DMD: variants seen among roughly 807,000 people sequenced by gnomAD.
The protein encoded by DMD is mutant dystrophin.
A neutral mutation model predicts 330.1 loss-of-function variants in DMD; 63 were observed. The observed-to-expected ratio is 0.19, with a 90% CI of 0.16 to 0.24. The LOEUF is 0.24. Among genes scored for constraint, DMD ranks in the 10% least tolerant of loss-of-function variants. The pLI is 1.00. For synonymous variants in DMD, 1,223 were observed against 959.8 expected (o/e 1.27, Z -5.07); for missense variants, 3,344 against 2,684.1 (o/e 1.25, Z -5.43).
At chrX:33,226,344 A>C (rs894119798) in intron 1 of DMD, among the ~76,000 whole-genome samples, 1 of 111,874 alleles carries the variant, frequency 8.9e-6, no homozygotes, top group African/African-American at 3.2e-5. Context: ...CAAATGGTTA[A>C]TCAAACTGGC....
chrX:32,737,793 G>C (rs1243783457), intron 7 of DMD, among the ~76,000 whole-genome samples: 1 of 111,500 alleles, frequency 9.0e-6, no homozygotes, highest in Non-Finnish European at 1.9e-5. Flanking sequence ...AATAGTACAT[G>C]AATGAGTAAT....
intron 51 of DMD, among the ~76,000 whole-genome samples, chrX:31,756,258 T>C (rs1173116054): frequency 8.9e-6 from 1 of 111,898 alleles, no homozygotes; most frequent in East Asian, 2.8e-4. Flanking sequence ...TCTCTATTAT[T>C]TCTTCCCTGG....
intron 2 of DMD, among the ~76,000 whole-genome samples, chrX:32,921,559 G>A (rs1046404738): frequency 7.2e-5 from 8 of 111,380 alleles, no homozygotes; most frequent in Non-Finnish European, 1.5e-4. Context: ...ATGACTATGC[G>A]CATGTATGTA....
At chrX:31,947,236 C>T (rs779071543) in intron 45 of DMD, among the ~76,000 whole-genome samples, 2 of 111,220 alleles carry the variant, frequency 1.8e-5, no homozygotes, top group African/African-American at 6.5e-5. Flanking sequence ...AGAAATTCTC[C>T]CAACTCAGCC....
chrX:32,435,446 T>A (rs2098257199), intron 29 of DMD, among the ~76,000 whole-genome samples: 1 of 107,467 alleles, frequency 9.3e-6, no homozygotes, highest in Non-Finnish European at 1.9e-5. Flanking sequence ...GTACTTTAAG[T>A]GCCGTATTTT....
intron 44 of DMD, among the ~76,000 whole-genome samples, chrX:31,999,991 G>A (rs2095614961): frequency 8.9e-6 from 1 of 112,307 alleles, no homozygotes; most frequent in Non-Finnish European, 1.9e-5. Flanking sequence ...ATCCAGAAAT[G>A]GAGAATTTGT....
chrX:33,331,702 G>A (rs777419044), intron 1 of DMD, among the ~76,000 whole-genome samples: 153 of 111,363 alleles, frequency 1.4e-3, no homozygotes, highest in Middle Eastern at 4.6e-3. Context: ...TACCACCTAC[G>A]TTTCCAGTTG....
At chrX:32,309,570 C>T (rs1400389919) in intron 42 of DMD, among the ~76,000 whole-genome samples, 1 of 111,042 alleles carries the variant, frequency 9.0e-6, no homozygotes, top group African/African-American at 3.3e-5. Flanking sequence ...TAGCCTTTAA[C>T]TGGCAGTTAT....
At chrX:32,472,540 T>C (rs1161978250) in intron 21 of DMD, among the ~76,000 whole-genome samples, 1 of 111,523 alleles carries the variant, frequency 9.0e-6, no homozygotes, top group African/African-American at 3.3e-5. Flanking sequence ...CTGTAAAATC[T>C]ATATTGTTCA....
At chrX:32,347,713 G>T (rs1432433215) in intron 38 of DMD, among the ~76,000 whole-genome samples, 1 of 111,375 alleles carries the variant, frequency 9.0e-6, no homozygotes, top group African/African-American at 3.3e-5. Context: ...TGAAAGAGGG[G>T]AAAAAATTGT....
At chrX:33,246,076 T>C (rs996461045) in intron 1 of DMD, among the ~76,000 whole-genome samples, 56 of 112,310 alleles carry the variant, frequency 5.0e-4, no homozygotes, top group African/African-American at 1.7e-3. Flanking sequence ...ATATCCCCAT[T>C]GGTTGTGACC....
chrX:32,919,082 C>T (rs2088127723), intron 2 of DMD, among the ~76,000 whole-genome samples: 1 of 111,639 alleles, frequency 9.0e-6, no homozygotes, highest in African/African-American at 3.3e-5. Context: ...GGAAATAAGT[C>T]AAAATAGGAA....
chrX:31,873,330 G>A (rs1156279750), intron 48 of DMD, among the ~76,000 whole-genome samples: 1 of 111,228 alleles, frequency 9.0e-6, no homozygotes, highest in Non-Finnish European at 1.9e-5. Context: ...AAACATAGTC[G>A]AGAACATTTT....
intron 76 of DMD, among the ~76,000 whole-genome samples, chrX:31,134,571 C>G (rs1270322671): frequency 9.1e-6 from 1 of 110,424 alleles, no homozygotes; most frequent in South Asian, 3.9e-4. Flanking sequence ...TACAGGCATG[C>G]GCCAACACGT....
intron 60 of DMD, among the ~76,000 whole-genome samples, chrX:31,421,900 T>C (rs866301708): frequency 4.6e-4 from 39 of 85,158 alleles, no homozygotes; most frequent in South Asian, 3.9e-3. Context: ...TATATATATA[T>C]ACACACACAC....
chrX:31,833,277 A>G (rs1055830164), intron 49 of DMD, among the ~76,000 whole-genome samples: 9 of 40,451 alleles, frequency 2.2e-4, no homozygotes, highest in African/African-American at 1.2e-3. Context: ...GAAGGGGGAG[A>G]GAGAGAGAGA....
At chrX:32,671,694 C>A (rs919067118) in intron 9 of DMD, among the ~76,000 whole-genome samples, 23 of 111,981 alleles carry the variant, frequency 2.1e-4, no homozygotes, top group African/African-American at 5.8e-4. Flanking sequence ...ACAAAGTAAT[C>A]TAACCAGATA....
Position 32,076,086 on chromosome X carries a change from A to AAGAGAG in DMD, c.6439-107578_6439-107573dup, listed in dbSNP as rs1569540031. On this transcript the variant is annotated intron_variant, in intron 44 of 78. Transcript: ENST00000357033. ...AAAAAAAAAAAAAAAAAAAAAAAAA[A>AAGAGAG]AGAGAGAGAGAGAGAGAGAGAAGTT... 3.8e-3 allele frequency among the ~76,000 whole-genome samples: 315 copies of AAGAGAG among 82,255 alleles called. 5 individuals are homozygous for AAGAGAG. The highest frequency in any genetic ancestry group is 0.014 in the African/African-American group (293 of 20,884). 71.4% of individuals were successfully genotyped at this position (82,255 alleles called of 115,157 possible).
chrX:32,371,448 T>A (rs142454627), intron 34 of DMD, among the ~76,000 whole-genome samples: 1 of 110,119 alleles, frequency 9.1e-6, no homozygotes, highest in Non-Finnish European at 1.9e-5. Context: ...TTCCAGAAAA[T>A]CTTATTCTAC....
Sources: allele counts gnomAD v4.1 joint callset (sites outside exome capture counted in the v4.1 genomes callset), GRCh38; gene constraint gnomAD v4.1.1; transcripts MANE v1.5; gene names NCBI Gene and HGNC (gene_info 2026-07-23, HGNC 2026-07-21).